The following NREP variants were observed in gnomAD, a reference collection of about 807,000 sequenced individuals.
NREP encodes the protein neuronal regeneration-related protein.
A neutral mutation model predicts 8.6 loss-of-function variants in NREP; 5 were observed. The ratio of observed to expected loss-of-function variants is 0.58; its 90% CI spans 0.30 to 1.22. The LOEUF is 1.22. Among genes scored for constraint, NREP ranks in the 50% most tolerant of loss-of-function variants. NREP has a pLI of 0.07. For synonymous variants in NREP, 27 were observed against 28.0 expected, an observed-to-expected ratio of 0.96 and a Z score of 0.11; for missense variants, 86 against 82.5, an observed-to-expected ratio of 1.04 and a Z score of -0.17.
At chr5:111,798,974 A>T (rs1419704485) in intron 2 of NREP, among the ~76,000 whole-genome samples, 1 of 152,164 alleles carries the variant, frequency 6.6e-6, no homozygotes, top group South Asian at 2.1e-4. Flanking sequence ...CGGTAGATCT[A>T]CTTTTAGTTC....
intron 2 of NREP, among the ~76,000 whole-genome samples, chr5:111,877,514 A>T (rs1401696894): frequency 6.6e-6 from 1 of 152,184 alleles, no homozygotes; most frequent in Non-Finnish European, 1.5e-5. Context: ...CAGCAGGGAG[A>T]TTGGGAGTTG....
At chr5:111,784,845 T>C (rs956777917) in intron 2 of NREP, among the ~76,000 whole-genome samples, 3 of 152,156 alleles carry the variant, frequency 2.0e-5, no homozygotes, top group African/African-American at 4.8e-5. Flanking sequence ...TTCCCAATCA[T>C]CACTCATTTC....
intron 2 of NREP, among the ~76,000 whole-genome samples, chr5:111,860,190 T>C (rs1753513988): frequency 2.0e-5 from 3 of 152,182 alleles, no homozygotes; most frequent in South Asian, 2.1e-4. Context: ...GTATGTGTAC[T>C]TGGGGAATAG....
In NREP at chr5:111,799,140, T is replaced by C. The variant is rs906445732; in HGVS notation, c.136-63633A>G. On this transcript the variant is annotated intron_variant, in intron 2 of 3. Transcript: ENST00000395634. ...CCATTGGTCTATGTGCCTATTTTTA[T>C]ACCAGTACCATGCTGTTTTCATGAC... 2.6e-5 allele frequency among the ~76,000 whole-genome samples: 4 copies of C among 152,226 alleles called. No homozygotes were observed. In the East Asian group the frequency reaches 5.8e-4, roughly 22 times the overall value.
chr5:111,920,583 G>T (rs1317181889), intron 2 of NREP, among the ~76,000 whole-genome samples: 1 of 152,148 alleles, frequency 6.6e-6, no homozygotes, highest in Non-Finnish European at 1.5e-5. Flanking sequence ...CTGAAGCAGT[G>T]AGGGGTCCCA....
intron 2 of NREP, among the ~76,000 whole-genome samples, chr5:111,889,622 T>C (rs1754345756): frequency 6.6e-6 from 1 of 152,224 alleles, no homozygotes; most frequent in Non-Finnish European, 1.5e-5. Context: ...GGAGATGATT[T>C]CCTTCTGCCT....
chr5:111,944,837 CTGCAGACTTCAG>C (rs1755932355), intron 2 of NREP, among the ~76,000 whole-genome samples: 1 of 152,110 alleles, frequency 6.6e-6, no homozygotes, highest in Admixed American at 6.6e-5. Context: ...CTACAGTCCC[CTGCAGACTTCAG>C]TTAGTTCATC....
rs1473304810 is a variant in NREP, at chr5:111,840,214, C to G, written c.136-104707G>C. On this transcript the variant is annotated intron_variant, in intron 2 of 3. Coordinates refer to the NREP transcript ENST00000395634. ...GCTGTTAGGGGTATATAACACGGTT[C>G]AGGCTCATGACTCAAAAAAAAAGAG... is the stretch of plus-strand genomic sequence containing the variant. 4.6e-5 allele frequency among the ~76,000 whole-genome samples: 7 copies of G among 151,964 alleles called. No homozygotes were observed. In the East Asian group the frequency reaches 1.2e-3, roughly 25 times the overall value.
chr5:111,759,319 A>G (rs1750903875), upstream of NREP, among the ~76,000 whole-genome samples: 3 of 152,268 alleles, frequency 2.0e-5, no homozygotes, highest in South Asian at 6.2e-4. Context: ...AAGGAAACAT[A>G]CATATAAACA....
chr5:111,963,081 AG>A (rs1396981446), intron 2 of NREP, among the ~76,000 whole-genome samples: 7 of 152,268 alleles, frequency 4.6e-5, no homozygotes, highest in East Asian at 1.9e-4. Context: ...CAACGAGGCA[AG>A]GGGCCCACTG....
intron 2 of NREP, among the ~76,000 whole-genome samples, chr5:111,880,175 CCTCT>C (rs907744044): frequency 4.6e-5 from 7 of 151,802 alleles, no homozygotes; most frequent in African/African-American, 1.7e-4. Context: ...TTTTTTTTCA[CCTCT>C]CTCTGTTTAC....
chr5:111,839,852 T>C (rs957164998), intron 2 of NREP, among the ~76,000 whole-genome samples: 12 of 152,078 alleles, frequency 7.9e-5, no homozygotes, highest in African/African-American at 2.9e-4. Flanking sequence ...ATTTATCTTA[T>C]TTGAACCTCA....
At chr5:111,921,583 A>G (rs1755241194) in intron 2 of NREP, among the ~76,000 whole-genome samples, 3 of 152,158 alleles carry the variant, frequency 2.0e-5, no homozygotes, top group Admixed American at 2.0e-4. Flanking sequence ...TTGATTTTGT[A>G]TAGTATCAAT....
chr5:111,791,087 T>G (rs255881), intron 2 of NREP, among the ~76,000 whole-genome samples: 9,367 of 152,280 alleles, frequency 0.062, 438 homozygotes, highest in East Asian at 0.22. Flanking sequence ...TGTTTATTGC[T>G]TTTGTAATTG....
chr5:111,866,981 A>G (rs1255546388), intron 2 of NREP, among the ~76,000 whole-genome samples: 1 of 124,702 alleles, frequency 8.0e-6, no homozygotes, highest in South Asian at 3.0e-4. Flanking sequence ...AACATCACAC[A>G]CCGGGGCCTG....
chr5:111,921,681 G>T (rs1033771332), intron 2 of NREP, among the ~76,000 whole-genome samples: 1 of 151,840 alleles, frequency 6.6e-6, no homozygotes, highest in Non-Finnish European at 1.5e-5. Context: ...CTTCAGCCCT[G>T]GTCCCTACAC....
chr5:111,795,112 T>C (rs1175673108), intron 2 of NREP, among the ~76,000 whole-genome samples: 2 of 152,202 alleles, frequency 1.3e-5, no homozygotes, highest in Non-Finnish European at 2.9e-5. Context: ...TAATGACTTA[T>C]ACGAAGGGAC....
rs914578307 is a variant in NREP, at chr5:111,870,289, C to T, written c.135+104985G>A. The stretch of plus-strand genomic sequence containing the variant: ...TATTAAAAATACAAAATCAGCCAGG[C>T]GTGGTGGCACACACCTGTAGTCCCA... On this transcript the variant is annotated intron_variant, in intron 2 of 3. Transcript: ENST00000395634. 3.3e-5 allele frequency among the ~76,000 whole-genome samples: 5 copies of T among 152,108 alleles called. No homozygotes were observed. In the East Asian group the frequency reaches 7.8e-4, roughly 24 times the overall value.
At chr5:111,944,866 C>T (rs530419213) in intron 2 of NREP, among the ~76,000 whole-genome samples, 6 of 152,090 alleles carry the variant, frequency 3.9e-5, no homozygotes, top group Non-Finnish European at 8.8e-5. Flanking sequence ...CATCCCCATC[C>T]TCATTTCTCT....
Sources: gnomAD v4.1 joint callset for allele counts (sites outside exome capture counted in the v4.1 genomes callset) on GRCh38, gnomAD v4.1.1 for gene constraint, MANE v1.5 for transcripts, NCBI Gene and HGNC (gene_info 2026-07-23, HGNC 2026-07-21) for gene names.